INTS6: variants seen among roughly 807,000 people sequenced by gnomAD.
The protein encoded by INTS6 is DEAD box protein.
INTS6 carries 16 observed loss-of-function variants against 104.9 expected under a neutral mutation model. The ratio of observed to expected loss-of-function variants is 0.15; its 90% CI spans 0.10 to 0.23. The LOEUF is 0.23. INTS6 is among the 10% of genes least tolerant of loss of function. The probability of loss-of-function intolerance (pLI) is 1.00; values close to 1 mark genes in which losing one functional copy is unlikely to be tolerated. For synonymous variants in INTS6, 324 were observed against 358.7 expected, an observed-to-expected ratio of 0.90 and a Z score of 1.09; for missense variants, 584 against 1,062.8, an observed-to-expected ratio of 0.55 and a Z score of 6.26.
intron 8 of INTS6, 56 bp downstream of exon 8, chr13:51,383,533 C>G: frequency 6.2e-7 from 1 of 1,603,336 alleles, no homozygotes; most frequent in Non-Finnish European, 8.5e-7. Context: ...TTCAATTCAG[C>G]TTTTTAAGAA....
At chr13:51,375,766 TGCGCGCGC>T (rs1555283864) in intron 13 of INTS6, among the ~76,000 whole-genome samples, 2 of 147,224 alleles carry the variant, frequency 1.4e-5, no homozygotes, top group African/African-American at 2.5e-5. Flanking sequence ...TGTGTGTGTG[TGCGCGCGC>T]GTGCGCGCAT....
chr13:51,336,480 CT>C, the INTS6 span, among the ~76,000 whole-genome samples: 1 of 152,120 alleles, frequency 6.6e-6, no homozygotes, highest in African/African-American at 2.4e-5. Context: ...GAGCAAAACC[CT>C]GTCTCAAAAA....
chr13:51,407,104 T>C (rs1439855321), intron 4 of INTS6, among the ~76,000 whole-genome samples: 1 of 151,992 alleles, frequency 6.6e-6, no homozygotes, highest in Admixed American at 6.6e-5. Flanking sequence ...CCTTTGTACA[T>C]GCTAGTCCCT....
At chr13:51,354,816 A>G (rs1955454787) in intron 3 of INTS6, among the ~76,000 whole-genome samples, 1 of 152,230 alleles carries the variant, frequency 6.6e-6, no homozygotes, top group African/African-American at 2.4e-5. Context: ...AATCAAAGTC[A>G]ATGGGAAGAC....
chr13:51,428,624 A>G (rs950294146), intron 4 of INTS6, among the ~76,000 whole-genome samples: 1 of 151,956 alleles, frequency 6.6e-6, no homozygotes, highest in East Asian at 1.9e-4. Context: ...ACGCCCGGCT[A>G]AAATGAATTT....
At chr13:51,371,395 C>G (rs1387409972) in intron 15 of INTS6, among the ~76,000 whole-genome samples, 1 of 152,172 alleles carries the variant, frequency 6.6e-6, no homozygotes, top group Non-Finnish European at 1.5e-5. Flanking sequence ...AATTCCTCTA[C>G]TTTCTTCCTC....
chr13:51,412,180 A>C lies in INTS6; in HGVS notation c.430-16697T>G, dbSNP rs577232770. Among the ~76,000 whole-genome samples the C allele has an allele frequency of 5.9e-5, 9 of 152,314 alleles. No homozygotes were observed. The East Asian group carries it at 1.7e-3, about 29-fold the overall frequency. On this transcript the variant is annotated intron_variant, in intron 4 of 17. Transcript: ENST00000311234. ...TAGGAACTACAAAGGGAAATGAGAA[A>C]ATTTCTTTGGAGTAACATATATTTT...
intron 13 of INTS6, 110 bp from the exon 14 acceptor site, chr13:51,374,906 C>A: frequency 1.8e-6 from 2 of 1,082,356 alleles, no homozygotes; most frequent in Non-Finnish European, 2.6e-6. Flanking sequence ...TCTTCTTTAC[C>A]AACATATTCT....
chr13:51,427,440 T>TG (rs1957004297), intron 4 of INTS6, among the ~76,000 whole-genome samples: 1 of 152,192 alleles, frequency 6.6e-6, no homozygotes, highest in South Asian at 2.1e-4. Context: ...AAAGCATCTT[T>TG]ATGCTTTTCT....
chr13:51,339,097 G>C, the INTS6 span, among the ~76,000 whole-genome samples: 6 of 152,122 alleles, frequency 3.9e-5, no homozygotes, highest in Non-Finnish European at 7.3e-5. Context: ...TTGGACTTAC[G>C]AACTGTTGTA....
At chr13:51,384,975 T>C (rs1415005311) in intron 7 of INTS6, 3 of 224,278 alleles carry the variant, frequency 1.3e-5, no homozygotes, top group Non-Finnish European at 2.7e-5. Context: ...AATTTCCCTA[T>C]CTAAAACTGT....
chr13:51,361,801 T>A lies in INTS6; in HGVS notation c.*3951A>T, dbSNP rs764794900. On this transcript the variant is annotated 3_prime_UTR_variant, in exon 18 of 18. Transcript: ENST00000311234. Reference sequence around the variant, plus strand: ...AAAATGCAATGGAATTTTTCTTTCTTTCCTGCAGCTCTGTTGTTATTGAAA... The same window carrying A: ...AAAATGCAATGGAATTTTTCTTTCTATCCTGCAGCTCTGTTGTTATTGAAA... 1 of 1,578,160 alleles carries A rather than the reference T, an allele frequency of 6.3e-7. No homozygotes were observed. Among genetic ancestry groups the A allele is most frequent in the Non-Finnish European group, 8.6e-7 (1 of 1,168,030 alleles).
Position 51,364,141 on chromosome 13 carries a change from C to T in INTS6, c.*1611G>A. 1.9e-6 allele frequency: 1 copy of T among 531,288 alleles called. No individual in the cohort carries two copies. 32.9% of individuals were successfully genotyped at this position (531,288 alleles called of 1,614,324 possible). A position where few individuals can be genotyped will look rare whatever the true frequency, so the allele number is the denominator to read the frequency against. On this transcript the variant is annotated 3_prime_UTR_variant, in exon 18 of 18. Coordinates refer to ENST00000311234, the MANE Select transcript of INTS6 (RefSeq NM_012141.3). ...AACAATTCCATCTATTAAATGTTATCTTGCATTACTTAAAAGTATTTGTAT... is the reference window on the plus strand; with the variant it reads ...AACAATTCCATCTATTAAATGTTATTTTGCATTACTTAAAAGTATTTGTAT...
At chr13:51,341,191 G>T in the INTS6 span, 103 of 1,613,920 alleles carry the variant, frequency 6.4e-5, no homozygotes, top group Non-Finnish European at 8.5e-5. Flanking sequence ...GACTGAGTTT[G>T]CACTTCACCT....
At chr13:51,392,138 C>T (rs1956255040) in intron 5 of INTS6, among the ~76,000 whole-genome samples, 1 of 152,182 alleles carries the variant, frequency 6.6e-6, no homozygotes, top group Non-Finnish European at 1.5e-5. Context: ...TCATTCTTGC[C>T]ACTCTATATT....
chr13:51,387,558 A>T lies in INTS6; in HGVS notation c.740-18T>A, dbSNP rs905199359. ...CTGCCCATCTATAGCAAAGAAATTA[A>T]GACAAAGAAAGCATATATCATAAGG... is the stretch of plus-strand genomic sequence containing the variant. On this transcript the variant is annotated intron_variant, in intron 6 of 17. Transcript: ENST00000311234. 2 of 1,596,578 alleles carry T rather than the reference A, an allele frequency of 1.3e-6. No individual in the cohort carries two copies. Among genetic ancestry groups the T allele is most frequent in the African/African-American group, 1.3e-5 (1 of 74,230 alleles).
Position 51,374,409 on chromosome 13 carries a change from C to G in INTS6, c.1903G>C (p.Val635Leu). The G allele has an allele frequency of 6.2e-7, 1 of 1,614,026 alleles. No homozygotes were observed. The highest frequency in any genetic ancestry group is 8.5e-7 in the Non-Finnish European group (1 of 1,179,920). The stretch of plus-strand genomic sequence containing the variant: ...TTATGTTTATTTTGAGGTCCAGCCA[C>G]AAATTCATCTGCTTCATCTATCATC... The part of the protein sequence containing the change: ...GMMIDEADEF[V>L]AGPQNKHKRP... Residue 635 changes from valine (V) to leucine (L), a missense_variant, in exon 15 of 18, where the codon GTG (valine) becomes CTG (leucine). Physicochemically the swap from Val to Leu is conservative, Grantham distance 32. Around this residue, in one of 5 missense-constraint regions of INTS6, gnomAD observed 296 missense variants for 437.0 expected, o/e 0.68. Transcript: ENST00000311234.
intron 4 of INTS6, among the ~76,000 whole-genome samples, chr13:51,411,039 C>T (rs1956675039): frequency 6.6e-6 from 1 of 151,510 alleles, no homozygotes; most frequent in African/African-American, 2.4e-5. Flanking sequence ...TAGTGAAACC[C>T]CGTCTCTACT....
At chr13:51,376,703 A>G (rs1593675864) in intron 12 of INTS6, among the ~76,000 whole-genome samples, 1 of 152,250 alleles carries the variant, frequency 6.6e-6, no homozygotes, top group East Asian at 1.9e-4. Context: ...TATAAATGGA[A>G]TTTTGCAACG....
Sources: allele counts gnomAD v4.1 joint callset (sites outside exome capture counted in the v4.1 genomes callset), GRCh38; gene constraint gnomAD v4.1.1; regional missense constraint gnomAD v4.1.1; transcripts MANE v1.5; gene names NCBI Gene and HGNC (gene_info 2026-07-23, HGNC 2026-07-21).